The following TOGARAM1 variants were observed in gnomAD, a reference collection of about 807,000 sequenced individuals.
TOGARAM1 encodes the protein TOG array regulator of axonemal microtubules protein 1.
Under a neutral mutation model 166.6 loss-of-function variants are expected in TOGARAM1, and 100 were observed. That is an observed-to-expected ratio of 0.60 (90% confidence interval 0.51 to 0.71). The LOEUF is 0.71. Among genes scored for constraint, TOGARAM1 ranks in the 30% least tolerant of loss-of-function variants. The probability of loss-of-function intolerance (pLI) is 0.00; values close to 1 mark genes in which losing one functional copy is unlikely to be tolerated. For missense variants in TOGARAM1, 2,029 were observed against 2,102.7 expected (o/e 0.96, Z 0.69); for synonymous variants, 758 against 763.8 (o/e 0.99, Z 0.13).
chr14:45,060,460 C>T (rs1490675827), intron 16 of TOGARAM1, among the ~76,000 whole-genome samples: 1 of 152,128 alleles, frequency 6.6e-6, no homozygotes, highest in Admixed American at 6.6e-5. Context: ...AGGTGATCCA[C>T]CCATCTTGGC....
chr14:44,990,241 G>C (rs2138789569), intron 1 of TOGARAM1, among the ~76,000 whole-genome samples: 1 of 152,344 alleles, frequency 6.6e-6, no homozygotes, highest in African/African-American at 2.4e-5. Flanking sequence ...TCACCAAATA[G>C]ACCGTAAAAT....
rs1298998521 is a variant in TOGARAM1 at position 44,962,729 on chromosome 14, T to C, written c.308T>C (p.Leu103Pro). The C allele has an allele frequency of 6.2e-7, 1 of 1,613,852 alleles. No homozygotes were observed. The highest frequency in any genetic ancestry group is 8.5e-7 in the Non-Finnish European group (1 of 1,180,044). ...GAGGACACTCGGCTCCTTCAACTCCTCCGCACTGCCCGGGATCCTTCTGAG... is the reference window on the plus strand; with the variant it reads ...GAGGACACTCGGCTCCTTCAACTCCCCCGCACTGCCCGGGATCCTTCTGAG... ...DEEDTRLLQL[L>P]RTARDPSEAF... Residue 103 changes from leucine to proline, a missense_variant, in exon 1 of 20, where the codon CTC (leucine) becomes CCC (proline). Transcript: ENST00000361462.
chr14:45,000,091 G>A (rs567643992), intron 3 of TOGARAM1, among the ~76,000 whole-genome samples: 6 of 151,948 alleles, frequency 3.9e-5, no homozygotes, highest in African/African-American at 7.2e-5. Context: ...CCCTGCCCCC[G>A]GGTTTTGAGC....
chr14:45,065,151 C>A (rs1883079726), intron 16 of TOGARAM1, among the ~76,000 whole-genome samples: 1 of 151,858 alleles, frequency 6.6e-6, no homozygotes, highest in South Asian at 2.1e-4. Flanking sequence ...GAGACTCTTT[C>A]TCAAAAATAA....
chr14:45,061,490 A>G (rs1882898581), intron 16 of TOGARAM1, among the ~76,000 whole-genome samples: 1 of 152,182 alleles, frequency 6.6e-6, no homozygotes, highest in South Asian at 2.1e-4. Context: ...AATGTTTAGC[A>G]TTTCACCACT....
intron 1 of TOGARAM1, among the ~76,000 whole-genome samples, chr14:44,973,056 G>A (rs1314362946): frequency 6.6e-6 from 1 of 151,996 alleles, no homozygotes; most frequent in Non-Finnish European, 1.5e-5. Context: ...TTAATTGTTA[G>A]ACATTTAAAG....
rs778396561 is a variant in TOGARAM1, at chr14:45,009,194, A to T, written c.3137+49A>T. On this transcript the variant is annotated intron_variant, in intron 6 of 19. Transcript: ENST00000361462. ...AATGAATGTTCCTCTGTAATTAGTG[A>T]TTTAGAGCCCTAATATCATATTTGT... The T allele has an allele frequency of 3.7e-6, 5 of 1,334,464 alleles. No individual in the cohort carries two copies. In the African/African-American group the frequency reaches 7.3e-5, roughly 19 times the overall value. 82.7% of individuals were successfully genotyped at this position (1,334,464 alleles called of 1,614,324 possible). A position where few individuals can be genotyped will look rare whatever the true frequency, so the allele number is the denominator to read the frequency against.
intron 1 of TOGARAM1, among the ~76,000 whole-genome samples, chr14:44,986,308 G>T (rs757709464): frequency 2.0e-5 from 3 of 152,110 alleles, no homozygotes; most frequent in Non-Finnish European, 4.4e-5. Flanking sequence ...GTTGTTGTTA[G>T]AGACAGAGCC....
At chr14:45,040,441 A>G (rs1319448543) in intron 11 of TOGARAM1, among the ~76,000 whole-genome samples, 1 of 152,186 alleles carries the variant, frequency 6.6e-6, no homozygotes, top group African/African-American at 2.4e-5. Context: ...GAAAGGAAAT[A>G]ATAAAGATCC....
intron 3 of TOGARAM1, 56 bp from the exon 4 acceptor site, chr14:45,004,005 T>G: frequency 7.0e-7 from 1 of 1,423,060 alleles, no homozygotes; most frequent in South Asian, 1.5e-5. Context: ...CAAAAAAGCT[T>G]TTAACTGTTA....
At chr14:45,061,777 T>G (rs1427766723) in intron 16 of TOGARAM1, among the ~76,000 whole-genome samples, 1 of 152,140 alleles carries the variant, frequency 6.6e-6, no homozygotes, top group African/African-American at 2.4e-5. Context: ...TAAAATTATT[T>G]AAGTATTTTT....
chr14:44,987,027 A>G (rs1012551766), intron 1 of TOGARAM1, among the ~76,000 whole-genome samples: 1 of 151,730 alleles, frequency 6.6e-6, no homozygotes, highest in African/African-American at 2.4e-5. Context: ...AAAGAAAGAA[A>G]AAAGAAAAAA....
At chr14:45,040,844 G>A (rs1369649804) in intron 11 of TOGARAM1, among the ~76,000 whole-genome samples, 1 of 149,944 alleles carries the variant, frequency 6.7e-6, no homozygotes, top group African/African-American at 2.5e-5. Flanking sequence ...TTCAAGACCA[G>A]CATGGCTAAC....
At chr14:45,010,600 T>G (rs1417737011) in intron 6 of TOGARAM1, among the ~76,000 whole-genome samples, 1 of 152,220 alleles carries the variant, frequency 6.6e-6, no homozygotes, top group African/African-American at 2.4e-5. Context: ...CACTGAGTTA[T>G]TCTCTTCAGA....
chr14:45,040,050 C>A (rs552805596), intron 11 of TOGARAM1, among the ~76,000 whole-genome samples: 2 of 152,122 alleles, frequency 1.3e-5, no homozygotes, highest in African/African-American at 4.8e-5. Flanking sequence ...ATATATTTAC[C>A]AAGAAAGACC....
rs148418270 is a variant in TOGARAM1 at position 45,006,206 on chromosome 14, A to G, written c.2843A>G (p.Asp948Gly). 67 of 1,613,356 alleles carry G rather than the reference A, an allele frequency of 4.2e-5. No individual in the cohort carries two copies. The African/African-American group carries it at 7.5e-4, about 18-fold the overall frequency. ...EPDDIWKCEK[D>G]SLPIDLSELN... ...GATGATATTTGGAAGTGTGAAAAAGATAGTCTTCCAATTGATCTTTCAGAA... is the reference window on the plus strand; with the variant it reads ...GATGATATTTGGAAGTGTGAAAAAGGTAGTCTTCCAATTGATCTTTCAGAA... Residue 948 changes from aspartate to glycine, a missense_variant, in exon 5 of 20, where the codon GAT (aspartate) becomes GGT (glycine). By Grantham distance (94) the Asp-to-Gly change is moderately conservative. Transcript: ENST00000361462.
intron 1 of TOGARAM1, among the ~76,000 whole-genome samples, chr14:44,971,615 T>G (rs529625193): frequency 1.3e-5 from 2 of 152,202 alleles, no homozygotes; most frequent in Non-Finnish European, 2.9e-5. Flanking sequence ...CTTCCTTTGT[T>G]AGTTTCCTAG....
chr14:45,012,918 G>A (rs139806326), intron 7 of TOGARAM1, among the ~76,000 whole-genome samples: 97 of 152,088 alleles, frequency 6.4e-4, no homozygotes, highest in African/African-American at 1.5e-3. Context: ...CTACTTAGCC[G>A]CCTAAATTTT....
chr14:45,042,243 G>A (rs1881761696), intron 11 of TOGARAM1: 1 of 152,052 alleles, frequency 6.6e-6, no homozygotes, highest in Admixed American at 6.6e-5. Flanking sequence ...CATTGATGCT[G>A]TTAAGATATA....
Sources: allele counts gnomAD v4.1 joint callset (sites outside exome capture counted in the v4.1 genomes callset), GRCh38; gene constraint gnomAD v4.1.1; transcripts MANE v1.5; gene names NCBI Gene and HGNC (gene_info 2026-07-23, HGNC 2026-07-21).